ELMO1: variants seen among roughly 807,000 people sequenced by gnomAD.
ELMO1 encodes engulfment and cell motility 1.
ELMO1 carries 26 observed loss-of-function variants against 98.9 expected under a neutral mutation model. That is an observed-to-expected ratio of 0.26 (90% confidence interval 0.19 to 0.36). The LOEUF (loss-of-function observed/expected upper bound fraction) is 0.36, where lower values mean the gene tolerates loss of function less well. Among genes scored for constraint, ELMO1 ranks in the 10% least tolerant of loss-of-function variants. ELMO1 has a pLI of 1.00. For missense variants in ELMO1, 627 were observed against 935.2 expected (o/e 0.67, Z 4.30); for synonymous variants, 346 against 346.0 (o/e 1.00, Z 0.00).
At chr7:37,167,448 T>A (rs896735627) in intron 13 of ELMO1, among the ~76,000 whole-genome samples, 6 of 151,762 alleles carry the variant, frequency 4.0e-5, no homozygotes, top group South Asian at 2.1e-4. Context: ...GGTCTTTACA[T>A]TTTGGCATGA....
At chr7:37,084,133 AT>A (rs1259168446) in intron 15 of ELMO1, among the ~76,000 whole-genome samples, 1 of 152,158 alleles carries the variant, frequency 6.6e-6, no homozygotes, top group East Asian at 1.9e-4. Flanking sequence ...TCTAATTCAA[AT>A]TTGGACTCAG....
At chr7:37,370,453 T>G (rs1020640658) in intron 1 of ELMO1, among the ~76,000 whole-genome samples, 2 of 152,148 alleles carry the variant, frequency 1.3e-5, no homozygotes, top group Non-Finnish European at 2.9e-5. Context: ...CTATATTTTG[T>G]TATAAAGGTG....
chr7:37,171,206 T>C (rs1215405818), intron 13 of ELMO1, among the ~76,000 whole-genome samples: 1 of 152,076 alleles, frequency 6.6e-6, no homozygotes, highest in East Asian at 1.9e-4. Context: ...GAAGAGTTCT[T>C]TCAATAAATA....
At chr7:37,415,397 G>A (rs1562676876) in intron 1 of ELMO1, among the ~76,000 whole-genome samples, 1 of 152,230 alleles carries the variant, frequency 6.6e-6, no homozygotes, top group Non-Finnish European at 1.5e-5. Context: ...CATCAAGAGT[G>A]TAGGGTTTAA....
At chr7:37,183,022 C>T (rs914873810) in intron 13 of ELMO1, among the ~76,000 whole-genome samples, 1 of 152,096 alleles carries the variant, frequency 6.6e-6, no homozygotes. Flanking sequence ...GACTAACACA[C>T]GGAAGCTAGG....
At chr7:37,445,558 C>G (rs1314474564) in intron 1 of ELMO1, among the ~76,000 whole-genome samples, 1 of 152,010 alleles carries the variant, frequency 6.6e-6, no homozygotes, top group Admixed American at 6.6e-5. Context: ...GGCTTCAAAG[C>G]CCTTTCCCCA....
At chr7:37,020,665 AAG>A (rs1189565626) in intron 15 of ELMO1, among the ~76,000 whole-genome samples, 3 of 151,658 alleles carry the variant, frequency 2.0e-5, no homozygotes, top group African/African-American at 7.3e-5. Flanking sequence ...TGGTGATGCT[AAG>A]AGAGACTCTG....
chr7:37,157,327 A>T (rs986486684), intron 13 of ELMO1, among the ~76,000 whole-genome samples: 3 of 152,212 alleles, frequency 2.0e-5, no homozygotes, highest in Non-Finnish European at 2.9e-5. Context: ...GCAATCAGGC[A>T]GGAGAAAGAA....
chr7:37,354,422 G>A (rs1437447622), intron 1 of ELMO1, among the ~76,000 whole-genome samples: 1 of 152,188 alleles, frequency 6.6e-6, no homozygotes, highest in Admixed American at 6.5e-5. Flanking sequence ...AATAGAAAGG[G>A]AGCTGCTGAG....
intron 13 of ELMO1, among the ~76,000 whole-genome samples, chr7:37,155,487 C>CAAAAAAAAAAAAA (rs781745325): frequency 2.4e-4 from 12 of 49,662 alleles, no homozygotes; most frequent in Admixed American, 5.0e-4. Flanking sequence ...AAACGGAAAG[C>CAAAAAAAAAAAAA]AAAAAAAAAA....
intron 17 of ELMO1, among the ~76,000 whole-genome samples, chr7:36,888,924 T>C (rs56223960): frequency 0.083 from 12,662 of 152,278 alleles, 697 homozygotes; most frequent in Middle Eastern, 0.14. Flanking sequence ...TTTAGCTCAT[T>C]TAACCTTCCT....
chr7:36,935,408 A>T (rs1445482952), intron 16 of ELMO1, among the ~76,000 whole-genome samples: 1 of 135,324 alleles, frequency 7.4e-6, no homozygotes, highest in Non-Finnish European at 1.7e-5. Flanking sequence ...TGTCCCTTCT[A>T]AAAAAAAATA....
intron 1 of ELMO1, among the ~76,000 whole-genome samples, chr7:37,389,944 C>G (rs1802995232): frequency 6.6e-6 from 1 of 152,110 alleles, no homozygotes. Flanking sequence ...TGTTGCCCAA[C>G]TTCCAAAATC....
At chr7:37,398,929 C>T (rs191710819) in intron 1 of ELMO1, among the ~76,000 whole-genome samples, 2 of 152,292 alleles carry the variant, frequency 1.3e-5, no homozygotes, top group East Asian at 1.9e-4. Context: ...CAGCTTAGTG[C>T]GGCATGGAGC....
At chr7:37,012,252 C>CA (rs1793613626) in intron 16 of ELMO1, among the ~76,000 whole-genome samples, 1 of 152,088 alleles carries the variant, frequency 6.6e-6, no homozygotes. Context: ...TTCAAGATGC[C>CA]ACAAATGAGA....
chr7:37,090,366 C>T (rs968388484), intron 15 of ELMO1, among the ~76,000 whole-genome samples: 2 of 152,224 alleles, frequency 1.3e-5, no homozygotes, highest in African/African-American at 2.4e-5. Flanking sequence ...CTAATTCTAG[C>T]GTGTTATTCC....
chr7:36,985,692 A>G lies in ELMO1; in HGVS notation c.1437+27607T>C, dbSNP rs573972771. Among the ~76,000 whole-genome samples the G allele has an allele frequency of 1.6e-4, 25 of 152,346 alleles. 1 individual carries two copies. In the South Asian group the frequency reaches 5.2e-3, roughly 32 times the overall value. The stretch of plus-strand genomic sequence containing the variant: ...TCTGCTCCTTACACTAATCCTAACA[A>G]GACAACCAATGTCCAAGTATAATGT... On this transcript the variant is annotated intron_variant, in intron 16 of 21. Transcript: ENST00000310758.
At chr7:36,925,141 C>G (rs922556651) in intron 16 of ELMO1, among the ~76,000 whole-genome samples, 2 of 152,158 alleles carry the variant, frequency 1.3e-5, no homozygotes, top group African/African-American at 4.8e-5. Context: ...ACCTTTGACT[C>G]CTTGTAAAGT....
chr7:37,187,539 T>A (rs1248701025), intron 13 of ELMO1, among the ~76,000 whole-genome samples: 1 of 152,204 alleles, frequency 6.6e-6, no homozygotes, highest in Non-Finnish European at 1.5e-5. Flanking sequence ...AACTTCCCAA[T>A]TCACCCCATT....
Sources: gnomAD v4.1 joint callset for allele counts (sites outside exome capture counted in the v4.1 genomes callset) on GRCh38, gnomAD v4.1.1 for gene constraint, MANE v1.5 for transcripts, NCBI Gene and HGNC (gene_info 2026-07-23, HGNC 2026-07-21) for gene names.